ZNF804A: variants seen among roughly 807,000 people sequenced by gnomAD.
The protein encoded by ZNF804A is zinc finger protein 804A.
In ZNF804A, 2 loss-of-function variants were observed where a neutral mutation model predicts 16.5. The observed-to-expected ratio is 0.12, with a 90% CI of 0.05 to 0.38. The LOEUF (loss-of-function observed/expected upper bound fraction) is 0.38, where lower values mean the gene tolerates loss of function less well. Ranked by LOEUF, ZNF804A falls within the 10% of genes least tolerant of loss-of-function variation. The pLI is 0.99. For synonymous variants in ZNF804A, 534 were observed against 489.6 expected, an observed-to-expected ratio of 1.09 and a Z score of -1.20; for missense variants, 1,473 against 1,390.7, an observed-to-expected ratio of 1.06 and a Z score of -0.94.
At chr2:184,856,909 C>T (rs1695698184) in intron 1 of ZNF804A, among the ~76,000 whole-genome samples, 1 of 152,038 alleles carries the variant, frequency 6.6e-6, no homozygotes, top group Non-Finnish European at 1.5e-5. Flanking sequence ...GATACTCAAC[C>T]AGTACTTCAT....
intron 1 of ZNF804A, among the ~76,000 whole-genome samples, chr2:184,811,879 G>T (rs1268149934): frequency 1.3e-5 from 2 of 152,076 alleles, no homozygotes; most frequent in East Asian, 3.9e-4. Context: ...TCCTAGCTTT[G>T]CAGATTAATT....
chr2:184,780,544 T>C lies in ZNF804A; in HGVS notation c.112-85825T>C, dbSNP rs78785141. On this transcript the variant is annotated intron_variant, in intron 1 of 3. Transcript: ENST00000302277. ...TCCATTTCAGAACCTTAATCACAGA[T>C]GGAGGGAGGTACATGAAATGAAACA... is the stretch of plus-strand genomic sequence containing the variant. 6.9e-3 allele frequency among the ~76,000 whole-genome samples: 1,045 copies of C among 151,684 alleles called. 6 individuals are homozygous for C. Among genetic ancestry groups the C allele is most frequent in the Middle Eastern group, 0.017 (5 of 294 alleles).
intron 1 of ZNF804A, among the ~76,000 whole-genome samples, chr2:184,661,128 G>GTA (rs557708882): frequency 1.2e-4 from 19 of 152,298 alleles, no homozygotes; most frequent in Non-Finnish European, 2.4e-4. Flanking sequence ...ATTTAGAAAT[G>GTA]TATAGTATTT....
At chr2:184,730,421 T>G (rs1693494779) in intron 1 of ZNF804A, among the ~76,000 whole-genome samples, 1 of 152,170 alleles carries the variant, frequency 6.6e-6, no homozygotes, top group South Asian at 2.1e-4. Flanking sequence ...AGGGTTCACT[T>G]GTTGTTATAC....
intron 1 of ZNF804A, among the ~76,000 whole-genome samples, chr2:184,639,506 A>G (rs933580696): frequency 6.6e-6 from 1 of 152,136 alleles, no homozygotes; most frequent in Non-Finnish European, 1.5e-5. Flanking sequence ...TCCATTTGAT[A>G]TTGATGTTCT....
chr2:184,641,399 T>C (rs912441875), intron 1 of ZNF804A, among the ~76,000 whole-genome samples: 1 of 152,180 alleles, frequency 6.6e-6, no homozygotes, highest in Non-Finnish European at 1.5e-5. Flanking sequence ...CAGCAGTTGC[T>C]TGGGGCCAAG....
intron 1 of ZNF804A, among the ~76,000 whole-genome samples, chr2:184,804,161 G>A (rs1694766749): frequency 6.6e-6 from 1 of 152,102 alleles, no homozygotes; most frequent in Admixed American, 6.5e-5. Flanking sequence ...ACCGTGCCTG[G>A]CCTCTTCTGT....
At chr2:184,645,732 T>A (rs1413764466) in intron 1 of ZNF804A, among the ~76,000 whole-genome samples, 1 of 152,098 alleles carries the variant, frequency 6.6e-6, no homozygotes, top group Non-Finnish European at 1.5e-5. Context: ...CTCTTGGAAA[T>A]AGCAAGATAG....
intron 1 of ZNF804A, among the ~76,000 whole-genome samples, chr2:184,783,822 C>A (rs900398259): frequency 1.3e-5 from 2 of 151,904 alleles, no homozygotes; most frequent in Non-Finnish European, 2.9e-5. Context: ...TATTGTTCCT[C>A]CTTTGTTTAG....
intron 1 of ZNF804A, among the ~76,000 whole-genome samples, chr2:184,683,650 A>G (rs1474051277): frequency 6.6e-6 from 1 of 152,204 alleles, no homozygotes; most frequent in East Asian, 1.9e-4. Flanking sequence ...ATATGAATAC[A>G]GGCAAGGTAG....
At chr2:184,762,789 A>C (rs779515769) in intron 1 of ZNF804A, among the ~76,000 whole-genome samples, 2 of 152,104 alleles carry the variant, frequency 1.3e-5, no homozygotes, top group Non-Finnish European at 1.5e-5. Flanking sequence ...CTTACAATCA[A>C]TTCTGCCCAA....
At chr2:184,777,846 G>C (rs1046102899) in intron 1 of ZNF804A, among the ~76,000 whole-genome samples, 2 of 151,440 alleles carry the variant, frequency 1.3e-5, no homozygotes, top group African/African-American at 2.4e-5. Context: ...ATGCTGTGAT[G>C]AACCACTGTG....
At chr2:184,907,672 A>G (rs1275679072) in intron 2 of ZNF804A, among the ~76,000 whole-genome samples, 1 of 152,140 alleles carries the variant, frequency 6.6e-6, no homozygotes, top group Non-Finnish European at 1.5e-5. Context: ...ATAGATTTGA[A>G]TAGAAACTAT....
At chr2:184,735,222 A>T (rs1028069804) in intron 1 of ZNF804A, among the ~76,000 whole-genome samples, 1 of 152,128 alleles carries the variant, frequency 6.6e-6, no homozygotes, top group Non-Finnish European at 1.5e-5. Context: ...ATTTTTAAAA[A>T]TAATTCTTTC....
At chr2:184,622,827 A>T (rs1445984512) in intron 1 of ZNF804A, among the ~76,000 whole-genome samples, 2 of 152,036 alleles carry the variant, frequency 1.3e-5, no homozygotes, top group African/African-American at 4.8e-5. Flanking sequence ...GAACCGGAAT[A>T]CATATTCTGC....
intron 1 of ZNF804A, among the ~76,000 whole-genome samples, chr2:184,626,017 C>T (rs1211668486): frequency 6.6e-6 from 1 of 152,008 alleles, no homozygotes; most frequent in Middle Eastern, 3.2e-3. Context: ...TACAGGTGCC[C>T]GCCACCACGC....
At chr2:184,656,978 C>T (rs1208947663) in intron 1 of ZNF804A, among the ~76,000 whole-genome samples, 1 of 152,092 alleles carries the variant, frequency 6.6e-6, no homozygotes, top group East Asian at 1.9e-4. Flanking sequence ...CCAATTAGGT[C>T]TCTGTTTTCA....
intron 1 of ZNF804A, among the ~76,000 whole-genome samples, chr2:184,648,902 GGACTTAAACTTGACACTT>G (rs1442539025): frequency 3.3e-5 from 5 of 151,908 alleles, no homozygotes; most frequent in Admixed American, 1.3e-4. Context: ...AACAAATTCC[GGACTTAAACTTGACACTT>G]GACCAACTGA....
Position 184,685,940 on chromosome 2 carries a change from G to C in ZNF804A, c.111+86870G>C, listed in dbSNP as rs138923165. 9.0e-3 allele frequency among the ~76,000 whole-genome samples: 1,371 copies of C among 152,352 alleles called. 22 individuals are homozygous for C. The highest frequency in any genetic ancestry group is 0.032 in the African/African-American group (1,311 of 41,578). On this transcript the variant is annotated intron_variant, in intron 1 of 3. Transcript: ENST00000302277. ...CTGTGCCAAGCTGCCCTCAGCCTCT[G>C]ATGGCCTTCTTCCCATGCTCATCAG...
Sources: allele counts gnomAD v4.1 joint callset (sites outside exome capture counted in the v4.1 genomes callset), GRCh38; gene constraint gnomAD v4.1.1; transcripts MANE v1.5; gene names NCBI Gene and HGNC (gene_info 2026-07-23, HGNC 2026-07-21).